KAT6A: variants seen among roughly 807,000 people sequenced by gnomAD.
KAT6A encodes the protein lysine acetyltransferase 6A.
KAT6A carries 9 observed loss-of-function variants against 198.4 expected under a neutral mutation model. The ratio of observed to expected loss-of-function variants is 0.05; its 90% CI spans 0.03 to 0.08. The LOEUF is 0.08. Ranked by LOEUF, KAT6A falls within the 10% of genes least tolerant of loss-of-function variation. The pLI is 1.00. For missense variants in KAT6A, 2,077 were observed against 2,509.9 expected, an observed-to-expected ratio of 0.83 and a Z score of 3.69; for synonymous variants, 890 against 883.0, an observed-to-expected ratio of 1.01 and a Z score of -0.14.
At position 41,932,161 on chromosome 8, in the gene KAT6A, TTTA is replaced by T; in HGVS notation, c.*41_*43del. The T allele has an allele frequency of 6.9e-7, 1 of 1,442,886 alleles. No homozygotes were observed. The highest frequency in any genetic ancestry group is 9.1e-7 in the Non-Finnish European group (1 of 1,093,398). 89.4% of individuals were successfully genotyped at this position (1,442,886 alleles called of 1,614,324 possible). A position where few individuals can be genotyped will look rare whatever the true frequency, so the allele number is the denominator to read the frequency against. On this transcript the variant is annotated 3_prime_UTR_variant, in exon 17 of 17. Coordinates refer to ENST00000265713, the MANE Select transcript of KAT6A (RefSeq NM_006766.5). ...CTGGTTTGTCAGTATAAAAGGTTCC[TTTA>T]TTTATATATATTTAAGTTTTTGATT... is the stretch of plus-strand genomic sequence containing the variant.
chr8:41,998,120 T>C (rs1164843723), intron 2 of KAT6A, among the ~76,000 whole-genome samples: 1 of 152,124 alleles, frequency 6.6e-6, no homozygotes, highest in Admixed American at 6.5e-5. Flanking sequence ...ACATAAAAAT[T>C]TGAATCAATC....
At chr8:42,008,669 T>TTGA (rs1825863503) in intron 2 of KAT6A, among the ~76,000 whole-genome samples, 1 of 152,106 alleles carries the variant, frequency 6.6e-6, no homozygotes, top group Non-Finnish European at 1.5e-5. Flanking sequence ...TTTTTAACAC[T>TTGA]GTTCTCAAGA....
intron 1 of KAT6A, chr8:42,049,753 A>C (rs1368042201): frequency 6.6e-6 from 1 of 152,256 alleles, no homozygotes; most frequent in Non-Finnish European, 1.5e-5. Context: ...AAAATTCTAG[A>C]CATTCAGAGT....
At chr8:42,011,920 A>C (rs1338595642) in intron 2 of KAT6A, among the ~76,000 whole-genome samples, 1 of 152,050 alleles carries the variant, frequency 6.6e-6, no homozygotes, top group Non-Finnish European at 1.5e-5. Flanking sequence ...AGAATAACAA[A>C]GAGGAAATCC....
intron 8 of KAT6A, among the ~76,000 whole-genome samples, chr8:41,958,537 G>A (rs897090978): frequency 1.3e-5 from 2 of 152,200 alleles, no homozygotes; most frequent in Non-Finnish European, 2.9e-5. Flanking sequence ...TTTAAAAACG[G>A]GAACTTGGTT....
chr8:41,939,926 T>A (rs181174225), intron 15 of KAT6A, among the ~76,000 whole-genome samples: 110 of 152,358 alleles, frequency 7.2e-4, no homozygotes, highest in South Asian at 1.4e-3. Context: ...GGATTAATAA[T>A]AGAGGAAACT....
At chr8:42,016,526 A>T (rs1197346326) in intron 2 of KAT6A, among the ~76,000 whole-genome samples, 1 of 152,240 alleles carries the variant, frequency 6.6e-6, no homozygotes, top group Non-Finnish European at 1.5e-5. Flanking sequence ...CAAAACACTT[A>T]ACATGTCCAC....
intron 8 of KAT6A, among the ~76,000 whole-genome samples, chr8:41,968,981 T>G (rs1474074084): frequency 6.6e-6 from 1 of 152,216 alleles, no homozygotes; most frequent in African/African-American, 2.4e-5. Context: ...CAATTATCTT[T>G]GACTTAGATA....
chr8:41,969,707 C>T (rs532706927), intron 8 of KAT6A, among the ~76,000 whole-genome samples: 1 of 152,322 alleles, frequency 6.6e-6, no homozygotes, highest in East Asian at 1.9e-4. Context: ...TCAATGTCTT[C>T]CCACTGCAAT....
intron 9 of KAT6A, among the ~76,000 whole-genome samples, chr8:41,949,790 A>G (rs1822577032): frequency 6.6e-6 from 1 of 152,202 alleles, no homozygotes; most frequent in African/African-American, 2.4e-5. Context: ...TTCCCAAGGT[A>G]TATTTATGGA....
chr8:41,967,914 T>C (rs1312787209), intron 8 of KAT6A, among the ~76,000 whole-genome samples: 2 of 152,120 alleles, frequency 1.3e-5, no homozygotes, highest in African/African-American at 4.8e-5. Flanking sequence ...GAAAACTGGC[T>C]ACCCATATGT....
At chr8:41,975,154 A>C (rs1054220489) in intron 7 of KAT6A, among the ~76,000 whole-genome samples, 4 of 152,148 alleles carry the variant, frequency 2.6e-5, no homozygotes, top group African/African-American at 9.7e-5. Flanking sequence ...TAAATTTGAC[A>C]CTTTTAGTAT....
Position 41,943,728 on chromosome 8 carries a change from C to G in KAT6A, c.2228+20G>C. 1.3e-6 allele frequency: 2 copies of G among 1,563,220 alleles called. No homozygotes were observed. Among genetic ancestry groups the G allele is most frequent in the South Asian group, 2.2e-5 (2 of 89,600 alleles). On this transcript the variant is annotated intron_variant, in intron 13 of 16. Coordinates refer to ENST00000265713, the MANE Select transcript of KAT6A (RefSeq NM_006766.5). ...AACCTAATTATCTTTCAAAGGTATA[C>G]AAAAAGATGTGATACTCACTGGTCA... is the stretch of plus-strand genomic sequence containing the variant.
rs773517227 is a variant in KAT6A, at chr8:41,942,832, G to A, written c.2397C>T (p.Asn799=). The part of the protein sequence containing the change: ...EEEEEAEEGE[N]EEPQCQEREL... ...CTCTTTCCTGGCACTGTGGCTCTTC[G>A]TTTTCTCCTTCCTCAGCCTCCTCTT... Residue 799 remains asparagine, a synonymous_variant, in exon 14 of 17, where the codon AAC becomes AAT. Transcript: ENST00000265713. 131 of 1,613,892 alleles carry A rather than the reference G, an allele frequency of 8.1e-5. No homozygotes were observed. Among genetic ancestry groups the A allele is most frequent in the Middle Eastern group, 1.6e-4 (1 of 6,084 alleles).
chr8:41,937,874 T>C (rs1282240427), intron 15 of KAT6A, among the ~76,000 whole-genome samples: 1 of 152,206 alleles, frequency 6.6e-6, no homozygotes, highest in African/African-American at 2.4e-5. Context: ...CCTGTTTTAA[T>C]ACTGAACTGA....
rs143527478 is a variant in KAT6A at position 42,002,584 on chromosome 8, G to A, written c.601-15021C>T. On this transcript the variant is annotated intron_variant, in intron 2 of 16. Transcript: ENST00000265713. ...CAAAAACAAACAACAAAAACAGAAC[G>A]AAACAAAACAAAACAAAAAACCCAC... Among the ~76,000 whole-genome samples, 611 of 151,956 alleles carry A rather than the reference G, an allele frequency of 4.0e-3. 8 individuals carry two copies. In the East Asian group the frequency reaches 0.041, roughly 10 times the overall value.
At chr8:41,965,632 G>T (rs1406912275) in intron 8 of KAT6A, among the ~76,000 whole-genome samples, 1 of 152,138 alleles carries the variant, frequency 6.6e-6, no homozygotes, top group Non-Finnish European at 1.5e-5. Context: ...AGTTTGATAA[G>T]CATGGGTTTC....
At chr8:41,968,311 A>G (rs1274454966) in intron 8 of KAT6A, among the ~76,000 whole-genome samples, 2 of 152,190 alleles carry the variant, frequency 1.3e-5, no homozygotes, top group Non-Finnish European at 2.9e-5. Context: ...AAAAGTGGGC[A>G]AAGGACATGA....
At chr8:42,015,264 A>C (rs1305389411) in intron 2 of KAT6A, among the ~76,000 whole-genome samples, 1 of 152,234 alleles carries the variant, frequency 6.6e-6, no homozygotes, top group Admixed American at 6.5e-5. Context: ...GCAGAGTTGC[A>C]ATCTATAGCC....
Sources: allele counts gnomAD v4.1 joint callset (sites outside exome capture counted in the v4.1 genomes callset), GRCh38; gene constraint gnomAD v4.1.1; transcripts MANE v1.5; gene names NCBI Gene and HGNC (gene_info 2026-07-23, HGNC 2026-07-21).